MAN2A1: variants seen among roughly 807,000 people sequenced by gnomAD.
The protein encoded by MAN2A1 is alpha-mannosidase 2.
A neutral mutation model predicts 142.6 loss-of-function variants in MAN2A1; 76 were observed. That is an observed-to-expected ratio of 0.53 (90% CI 0.44 to 0.65). The LOEUF is 0.65. Ranked by LOEUF, MAN2A1 falls within the 30% of genes least tolerant of loss-of-function variation. MAN2A1 has a pLI of 0.00. For synonymous variants in MAN2A1, 559 were observed against 473.2 expected (o/e 1.18, Z -2.35); for missense variants, 1,311 against 1,365.1 (o/e 0.96, Z 0.62).
At chr5:109,748,718 G>A (rs1423413963) in intron 4 of MAN2A1, among the ~76,000 whole-genome samples, 3 of 151,948 alleles carry the variant, frequency 2.0e-5, no homozygotes, top group Non-Finnish European at 4.4e-5. Flanking sequence ...CAGGCAGATA[G>A]ACAGCATGGA....
At chr5:109,784,560 C>T (rs910219679) in intron 9 of MAN2A1, among the ~76,000 whole-genome samples, 184 bp from the exon 10 acceptor site, 5 of 151,974 alleles carry the variant, frequency 3.3e-5, no homozygotes, top group African/African-American at 9.7e-5. Flanking sequence ...TGATTGAGAA[C>T]GTAAATGTGT....
In MAN2A1 at chr5:109,728,910, AGAATTTTAGATGTG is replaced by A. The variant is rs1751821840; in HGVS notation, c.536-430_536-417del. ...TTAGTTTAACTTATTTAATGGGTGA[AGAATTTTAGATGTG>A]GCATGAGAGGATAAAATTTGGATCC... On this transcript the variant is annotated intron_variant, in intron 3 of 21. Coordinates refer to ENST00000261483, the MANE Select transcript of MAN2A1 (RefSeq NM_002372.4). Among the ~76,000 whole-genome samples the A allele has an allele frequency of 3.9e-5, 6 of 152,278 alleles. 1 individual carries two copies. The South Asian group carries it at 1.2e-3, about 32-fold the overall frequency.
At chr5:109,731,517 C>A (rs933291482) in intron 4 of MAN2A1, among the ~76,000 whole-genome samples, 1 of 103,802 alleles carries the variant, frequency 9.6e-6, no homozygotes, top group East Asian at 3.8e-4. Context: ...CCCCCTCCCC[C>A]AACCCCACAA....
chr5:109,839,330 C>T (rs1216266567), intron 16 of MAN2A1, among the ~76,000 whole-genome samples: 4 of 152,114 alleles, frequency 2.6e-5, no homozygotes, highest in Non-Finnish European at 4.4e-5. Context: ...TGATGCATTT[C>T]GTAGGTCAGA....
In MAN2A1 at chr5:109,869,157, A is replaced by G. The variant is rs41296555; in HGVS notation, c.*2159A>G. 0.018 allele frequency: 2,817 copies of G among 152,340 alleles called. 34 individuals carry two copies. The highest frequency in any genetic ancestry group is 0.071 in the Middle Eastern group (21 of 294). The allele number at this position is 152,340 out of a possible 1,614,324, so 9.4% of individuals were successfully genotyped here. A position where few individuals can be genotyped will look rare whatever the true frequency, so the allele number is the denominator to read the frequency against. On this transcript the variant is annotated 3_prime_UTR_variant, in exon 22 of 22. Coordinates refer to ENST00000261483, the MANE Select transcript of MAN2A1 (RefSeq NM_002372.4). ...GAGAGGATGCTTTGCTTTGGGTTGT[A>G]GTCAAAAACTGATTAAATAATTTAA...
Position 109,819,886 on chromosome 5 carries a change from A to C in MAN2A1, c.2327A>C (p.Lys776Thr). 2 of 1,573,178 alleles carry C rather than the reference A, an allele frequency of 1.3e-6. No homozygotes were observed. The highest frequency in any genetic ancestry group is 1.7e-6 in the Non-Finnish European group (2 of 1,157,990). ...CGGTTTGATCAAACTGGACTTATGA[A>C]GGTATGTTCTGAATAGTTCTAAAAT... Reference protein sequence around the residue: ...LLRFDQTGLMKQMMTKEDGKH... With the variant: ...LLRFDQTGLMTQMMTKEDGKH... Residue 776 changes from lysine (K) to threonine (T), a missense_variant and splice_region_variant, in exon 14 of 22, where the codon AAG becomes ACG. By Grantham distance (78) the Lys-to-Thr change is moderately conservative. Transcript: ENST00000261483.
rs1463920485 is a variant in MAN2A1 at position 109,770,471 on chromosome 5, C to G, written c.1126C>G (p.Pro376Ala). 6.2e-7 allele frequency: 1 copy of G among 1,614,012 alleles called. No homozygotes were observed. The highest frequency in any genetic ancestry group is 2.2e-5 in the East Asian group (1 of 44,848). ...CTGCCAGTTTGATTTTAAACGTCTT[C>G]CTGGAGGCAGATTTGGTTGTCCCTG... ...ICCQFDFKRL[P>A]GGRFGCPWGV... The change falls in exon 7 of 22, where the codon CCT (proline) becomes GCT (alanine). Residue 376 changes from proline (P) to alanine (A), a missense_variant. Pro to Ala is a conservative substitution (Grantham distance 27). Transcript: ENST00000261483.
chr5:109,794,262 G>T (rs753859719), intron 12 of MAN2A1: 1 of 152,154 alleles, frequency 6.6e-6, no homozygotes, highest in Non-Finnish European at 1.5e-5. Context: ...AGAGCTGTTA[G>T]TGTACAGAGG....
At chr5:109,769,904 C>T (rs1245595151) in intron 6 of MAN2A1, among the ~76,000 whole-genome samples, 1 of 152,124 alleles carries the variant, frequency 6.6e-6, no homozygotes, top group Non-Finnish European at 1.5e-5. Context: ...TTCCTTTGTT[C>T]TTCCATCCCT....
At chr5:109,759,889 G>A (rs1752791474) in intron 5 of MAN2A1, among the ~76,000 whole-genome samples, 1 of 151,754 alleles carries the variant, frequency 6.6e-6, no homozygotes, top group African/African-American at 2.4e-5. Context: ...TTGGCCAGTG[G>A]TATACCCTAT....
chr5:109,698,669 C>T (rs993419912), intron 1 of MAN2A1, among the ~76,000 whole-genome samples: 6 of 152,190 alleles, frequency 3.9e-5, no homozygotes, highest in Non-Finnish European at 7.3e-5. Context: ...TTTCCAAGAG[C>T]AGAGAAGACT....
intron 1 of MAN2A1, among the ~76,000 whole-genome samples, chr5:109,696,835 A>T (rs902446637): frequency 4.6e-5 from 7 of 152,260 alleles, no homozygotes; most frequent in African/African-American, 1.7e-4. Flanking sequence ...AAAGCCAATT[A>T]GCATTTTTTG....
At chr5:109,799,655 A>G (rs1421538395) in intron 12 of MAN2A1, among the ~76,000 whole-genome samples, 1 of 151,942 alleles carries the variant, frequency 6.6e-6, no homozygotes, top group African/African-American at 2.4e-5. Context: ...TTGGGAGGCT[A>G]AAGCAGGAGA....
At chr5:109,728,381 AC>A (rs1309392423) in intron 3 of MAN2A1, among the ~76,000 whole-genome samples, 1 of 152,132 alleles carries the variant, frequency 6.6e-6, no homozygotes, top group East Asian at 1.9e-4. Context: ...GAAACAATAG[AC>A]CAATAGTTCA....
chr5:109,735,727 G>A lies in MAN2A1; in HGVS notation c.707+6214G>A, dbSNP rs569903907. Among the ~76,000 whole-genome samples the A allele has an allele frequency of 2.6e-5, 4 of 152,204 alleles. No homozygotes were observed. In the South Asian group the frequency reaches 8.3e-4, roughly 32 times the overall value. ...ATATTAAAAAGTTCTTTCAATGAGT[G>A]AACATTGAATTTTGCCAAAGTGCTT... On this transcript the variant is annotated intron_variant, in intron 4 of 21. Transcript: ENST00000261483.
intron 4 of MAN2A1, among the ~76,000 whole-genome samples, chr5:109,752,341 A>G (rs1752569359): frequency 6.6e-6 from 1 of 152,208 alleles, no homozygotes; most frequent in African/African-American, 2.4e-5. Flanking sequence ...TAAAAACTGT[A>G]GGTAAATACT....
chr5:109,848,286 G>C (rs758127965), intron 19 of MAN2A1, among the ~76,000 whole-genome samples: 3 of 152,150 alleles, frequency 2.0e-5, no homozygotes, highest in Non-Finnish European at 4.4e-5. Flanking sequence ...CTAGTACTCT[G>C]TGTTGAATGG....
intron 16 of MAN2A1, among the ~76,000 whole-genome samples, chr5:109,836,691 A>G (rs915661307): frequency 6.6e-6 from 1 of 152,204 alleles, no homozygotes; most frequent in African/African-American, 2.4e-5. Flanking sequence ...CTCAGAAAAT[A>G]TTCTAAAGAT....
intron 16 of MAN2A1, among the ~76,000 whole-genome samples, chr5:109,825,476 T>C (rs745857398): frequency 7.2e-5 from 11 of 152,162 alleles, no homozygotes; most frequent in Non-Finnish European, 1.5e-4. Context: ...CATAATTGCT[T>C]TTGCTTTTAT....
Sources: gnomAD v4.1 joint callset for allele counts (sites outside exome capture counted in the v4.1 genomes callset) on GRCh38, gnomAD v4.1.1 for gene constraint, MANE v1.5 for transcripts, NCBI Gene and HGNC (gene_info 2026-07-23, HGNC 2026-07-21) for gene names.